Variants in DCC observed in about 807,000 individuals in gnomAD.
DCC encodes the protein DCC netrin 1 receptor.
DCC carries 58 observed loss-of-function variants against 172.5 expected under a neutral mutation model. The ratio of observed to expected loss-of-function variants is 0.34; its 90% CI spans 0.27 to 0.42. The LOEUF is 0.42. DCC is among the 10% of genes least tolerant of loss of function. DCC has a pLI of 1.00. For missense variants in DCC, 1,740 were observed against 1,791.0 expected (o/e 0.97, Z 0.51); for synonymous variants, 709 against 644.5 (o/e 1.10, Z -1.52).
chr18:53,082,530 T>G (rs2042821404), intron 7 of DCC, among the ~76,000 whole-genome samples: 1 of 152,096 alleles, frequency 6.6e-6, no homozygotes, highest in Non-Finnish European at 1.5e-5. Context: ...CCAGATTAAT[T>G]AAAATAAATA....
At chr18:53,010,664 A>G (rs1209506645) in intron 5 of DCC, among the ~76,000 whole-genome samples, 3 of 150,758 alleles carry the variant, frequency 2.0e-5, no homozygotes, top group African/African-American at 7.3e-5. Context: ...GACACATTAT[A>G]TGTAATACTA....
At chr18:52,831,691 G>T (rs1421875847) in intron 2 of DCC, among the ~76,000 whole-genome samples, 1 of 152,096 alleles carries the variant, frequency 6.6e-6, no homozygotes, top group Non-Finnish European at 1.5e-5. Context: ...AGCAAAAGAG[G>T]ATTTATTGAT....
At chr18:52,608,005 C>A (rs1157573214) in intron 1 of DCC, among the ~76,000 whole-genome samples, 1 of 152,044 alleles carries the variant, frequency 6.6e-6, no homozygotes, top group Non-Finnish European at 1.5e-5. Context: ...ATGGAGGAAC[C>A]TCCGGGCCCT....
At chr18:53,066,856 GA>G (rs2042578113) in intron 7 of DCC, among the ~76,000 whole-genome samples, 1 of 152,072 alleles carries the variant, frequency 6.6e-6, no homozygotes, top group Admixed American at 6.6e-5. Flanking sequence ...GGCTTCTGGG[GA>G]GGCCTCAGGA....
chr18:53,294,973 A>G (rs143811761), intron 12 of DCC, among the ~76,000 whole-genome samples: 63 of 152,332 alleles, frequency 4.1e-4, no homozygotes, highest in African/African-American at 1.4e-3. Flanking sequence ...AAATAAAATC[A>G]CAACAGCTTA....
intron 5 of DCC, among the ~76,000 whole-genome samples, chr18:53,034,942 C>A (rs1233836224): frequency 6.6e-6 from 1 of 152,042 alleles, no homozygotes; most frequent in Non-Finnish European, 1.5e-5. Flanking sequence ...TTCACACTAC[C>A]CTAGCTAGTC....
intron 8 of DCC, among the ~76,000 whole-genome samples, chr18:53,171,470 A>G (rs996109557): frequency 3.9e-5 from 6 of 152,162 alleles, no homozygotes; most frequent in African/African-American, 1.4e-4. Flanking sequence ...TTTATACTTT[A>G]TGTAAGACTG....
chr18:53,389,129 A>G (rs1451989104), intron 16 of DCC, among the ~76,000 whole-genome samples: 2 of 152,132 alleles, frequency 1.3e-5, no homozygotes, highest in Non-Finnish European at 2.9e-5. Context: ...ATTCATGGGC[A>G]CTTACAAAAA....
intron 1 of DCC, among the ~76,000 whole-genome samples, chr18:52,587,184 G>A (rs567950384): frequency 2.6e-5 from 4 of 152,256 alleles, no homozygotes; most frequent in Non-Finnish European, 4.4e-5. Flanking sequence ...GTGCTATATC[G>A]CGGGCTCAGT....
At chr18:52,923,004 T>C (rs1051098995) in intron 3 of DCC, among the ~76,000 whole-genome samples, 3 of 152,138 alleles carry the variant, frequency 2.0e-5, no homozygotes, top group African/African-American at 7.2e-5. Context: ...TAGTGTTCCA[T>C]ATATAGAACT....
intron 7 of DCC, among the ~76,000 whole-genome samples, chr18:53,137,513 T>C (rs1232818270): frequency 6.6e-6 from 1 of 152,192 alleles, no homozygotes; most frequent in Non-Finnish European, 1.5e-5. Flanking sequence ...CTTTGTAAAA[T>C]GTTACTTAAC....
At chr18:53,268,392 T>G (rs576838259) in intron 12 of DCC, among the ~76,000 whole-genome samples, 1 of 152,302 alleles carries the variant, frequency 6.6e-6, no homozygotes, top group South Asian at 2.1e-4. Flanking sequence ...TCACAATTAA[T>G]AAAATTTAAA....
intron 5 of DCC, 57 bp downstream of exon 5, chr18:52,925,427 A>G: frequency 1.3e-6 from 2 of 1,531,226 alleles, no homozygotes; most frequent in Non-Finnish European, 1.8e-6. Flanking sequence ...TATCACCGCG[A>G]CATTTTAATG....
chr18:53,100,726 T>C (rs552165155), intron 7 of DCC, among the ~76,000 whole-genome samples: 114 of 152,154 alleles, frequency 7.5e-4, no homozygotes, highest in African/African-American at 2.6e-3. Flanking sequence ...ATCGGATGTC[T>C]AGTTGTGCTG....
At chr18:53,042,304 T>G (rs2042179526) in intron 5 of DCC, among the ~76,000 whole-genome samples, 1 of 152,018 alleles carries the variant, frequency 6.6e-6, no homozygotes, top group African/African-American at 2.4e-5. Context: ...TGATGGATTA[T>G]GCTTATTGAT....
chr18:52,973,729 G>T lies in DCC; in HGVS notation c.985+48359G>T, dbSNP rs544679822. Among the ~76,000 whole-genome samples, 25 of 152,300 alleles carry T rather than the reference G, an allele frequency of 1.6e-4. No homozygotes were observed. In the South Asian group the frequency reaches 5.2e-3, roughly 32 times the overall value. On this transcript the variant is annotated intron_variant, in intron 5 of 28. Transcript: ENST00000442544. Reference sequence around the variant, plus strand: ...ATGTTACAGAAGAAATTCCCAAGAGGCCTAGAGTATGTAGGATTCACATGC... The same window carrying T: ...ATGTTACAGAAGAAATTCCCAAGAGTCCTAGAGTATGTAGGATTCACATGC...
intron 8 of DCC, among the ~76,000 whole-genome samples, chr18:53,164,482 A>G (rs376920158): frequency 4.6e-5 from 7 of 152,330 alleles, no homozygotes; most frequent in African/African-American, 1.7e-4. Context: ...CTTATGAAGT[A>G]TAACACAGTA....
chr18:53,289,683 C>G (rs2144746350), intron 12 of DCC, among the ~76,000 whole-genome samples: 1 of 152,090 alleles, frequency 6.6e-6, no homozygotes, highest in Middle Eastern at 3.4e-3. Context: ...ATTAACAATC[C>G]AAAAAGAGTG....
At chr18:53,506,231 T>C (rs2046173374) in intron 27 of DCC, among the ~76,000 whole-genome samples, 1 of 152,064 alleles carries the variant, frequency 6.6e-6, no homozygotes, top group Admixed American at 6.6e-5. Context: ...ATAATTAAGG[T>C]GAGAGCCAGA....
Sources: allele counts gnomAD v4.1 joint callset (sites outside exome capture counted in the v4.1 genomes callset), GRCh38; gene constraint gnomAD v4.1.1; transcripts MANE v1.5; gene names NCBI Gene and HGNC (gene_info 2026-07-23, HGNC 2026-07-21).